EGFR: variants seen among roughly 807,000 people sequenced by gnomAD.
EGFR encodes epidermal growth factor receptor.
In EGFR, 58 loss-of-function variants were observed where a neutral mutation model predicts 143.0. The observed-to-expected ratio is 0.41, with a 90% CI of 0.33 to 0.50. The LOEUF (loss-of-function observed/expected upper bound fraction) is 0.50, where lower values mean the gene tolerates loss of function less well. EGFR is among the 20% of genes least tolerant of loss of function. The probability of loss-of-function intolerance (pLI) is 0.39; values close to 1 mark genes in which losing one functional copy is unlikely to be tolerated. For missense variants in EGFR, 1,307 were observed against 1,579.0 expected, an observed-to-expected ratio of 0.83 and a Z score of 2.92; for synonymous variants, 613 against 594.4, an observed-to-expected ratio of 1.03 and a Z score of -0.45.
rs1168574207 is a variant in EGFR, at chr7:55,208,568, C to T, written c.*2951C>T. 1 of 152,152 alleles carries T rather than the reference C, an allele frequency of 6.6e-6. No homozygotes were observed. Among genetic ancestry groups the T allele is most frequent in the Non-Finnish European group, 1.5e-5 (1 of 68,034 alleles). 9.4% of individuals were successfully genotyped at this position (152,152 alleles called of 1,614,324 possible). On this transcript the variant is annotated 3_prime_UTR_variant, in exon 28 of 28. Transcript: ENST00000275493. The stretch of plus-strand genomic sequence containing the variant: ...TTCTTGCATCATCTCTAAGGAGCTC[C>T]TCTAATTACACCATGCCCGTCACCC...
intron 1 of EGFR, among the ~76,000 whole-genome samples, chr7:55,024,389 C>G (rs963593471): frequency 6.6e-6 from 1 of 152,194 alleles, no homozygotes; most frequent in Admixed American, 6.5e-5. Flanking sequence ...GAATTTCTCT[C>G]TCTGATCCAA....
rs778199483 is a variant in EGFR at position 55,181,313 on chromosome 7, C to T, written c.2304C>T (p.Ser768=). 39 of 1,614,082 alleles carry T rather than the reference C, an allele frequency of 2.4e-5. 1 individual carries two copies. The Admixed American group carries it at 3.2e-4, about 13-fold the overall frequency. Residue 768 remains serine (S), a synonymous_variant, in exon 20 of 28, where the codon AGC becomes AGT. Transcript: ENST00000275493. ...TCCAGGAAGCCTACGTGATGGCCAG[C>T]GTGGACAACCCCCACGTGTGCCGCC... ...EILDEAYVMA[S]VDNPHVCRLL...
intron 1 of EGFR, among the ~76,000 whole-genome samples, chr7:55,072,595 A>G (rs1002051218): frequency 1.3e-5 from 2 of 152,182 alleles, no homozygotes; most frequent in East Asian, 3.8e-4. Context: ...CAAAGTTACC[A>G]ACAGTTTCAT....
At chr7:55,021,164 A>G (rs1482848262) in intron 1 of EGFR, among the ~76,000 whole-genome samples, 1 of 152,156 alleles carries the variant, frequency 6.6e-6, no homozygotes, top group Non-Finnish European at 1.5e-5. Context: ...GATTCCAATA[A>G]TAAAGGATTC....
At chr7:55,020,378 G>T (rs891619528) in intron 1 of EGFR, among the ~76,000 whole-genome samples, 1 of 152,150 alleles carries the variant, frequency 6.6e-6, no homozygotes, top group African/African-American at 2.4e-5. Context: ...GGCCACTGCA[G>T]GGGGGGATCG....
intron 5 of EGFR, among the ~76,000 whole-genome samples, chr7:55,152,009 C>T (rs1785183190): frequency 6.6e-6 from 1 of 152,216 alleles, no homozygotes; most frequent in South Asian, 2.1e-4. Flanking sequence ...TTCTTGTTTC[C>T]TCTCCCTCCC....
chr7:55,096,965 A>G (rs1394669705), intron 1 of EGFR, among the ~76,000 whole-genome samples: 1 of 151,786 alleles, frequency 6.6e-6, no homozygotes, highest in Non-Finnish European at 1.5e-5. Flanking sequence ...TTACCCCCCC[A>G]GCTCCTCACC....
intron 20 of EGFR, among the ~76,000 whole-genome samples, chr7:55,188,650 C>T (rs938559201): frequency 6.6e-6 from 1 of 152,198 alleles, no homozygotes; most frequent in African/African-American, 2.4e-5. Flanking sequence ...CCTGCGACCT[C>T]TGCTCGGACC....
At chr7:55,091,351 G>A (rs1033423761) in intron 1 of EGFR, among the ~76,000 whole-genome samples, 5 of 152,192 alleles carry the variant, frequency 3.3e-5, no homozygotes, top group African/African-American at 1.2e-4. Context: ...ATCTTGAAAG[G>A]TTCTGGTGAT....
intron 20 of EGFR, among the ~76,000 whole-genome samples, chr7:55,188,621 G>A (rs970385022): frequency 1.3e-5 from 2 of 152,186 alleles, no homozygotes; most frequent in African/African-American, 4.8e-5. Context: ...GCCCCGCTGA[G>A]GCTTTGTTGA....
Position 55,208,103 on chromosome 7 carries a change from T to C in EGFR, c.*2486T>C, listed in dbSNP as rs1482472638. On this transcript the variant is annotated 3_prime_UTR_variant, in exon 28 of 28. Coordinates refer to ENST00000275493, the MANE Select transcript of EGFR (RefSeq NM_005228.5). ...CTATTCTAGCTTTCTTCTTCATATT[T>C]TAATTTTCCACCATAAAGTTTAGTT... 1 of 152,232 alleles carries C rather than the reference T, an allele frequency of 6.6e-6. No individual in the cohort carries two copies. The highest frequency in any genetic ancestry group is 1.5e-5 in the Non-Finnish European group (1 of 68,036). 9.4% of individuals were successfully genotyped at this position (152,232 alleles called of 1,614,324 possible).
rs1786870739 is a variant in EGFR at position 55,181,428 on chromosome 7, G to A, written c.2419G>A (p.Asp807Asn). 2 of 1,614,246 alleles carry A rather than the reference G, an allele frequency of 1.2e-6. No homozygotes were observed. The highest frequency in any genetic ancestry group is 1.7e-6 in the Non-Finnish European group (2 of 1,180,042). ...CLLDYVREHK[D>N]NIGSQYLLNW... is the part of the protein sequence containing the mutation. ...CCTGGACTATGTCCGGGAACACAAA[G>A]ACAATATTGGCTCCCAGTACCTGCT... Residue 807 changes from aspartate (D) to asparagine (N), a missense_variant, in exon 20 of 28, where the codon GAC (aspartate) becomes AAC (asparagine). Asp to Asn is a conservative substitution (Grantham distance 23). This residue lies in a region of EGFR where 348 missense variants were observed against 451.5 expected (regional missense o/e 0.77). Coordinates refer to ENST00000275493, the MANE Select transcript of EGFR (RefSeq NM_005228.5).
chr7:55,157,087 T>G (rs1785460640), intron 10 of EGFR: 3 of 849,534 alleles, frequency 3.5e-6, no homozygotes, highest in Admixed American at 6.1e-5. Flanking sequence ...CCAGCTGCCT[T>G]GGTGGCCCAT....
intron 1 of EGFR, among the ~76,000 whole-genome samples, chr7:55,090,174 G>A (rs141726781): frequency 8.7e-4 from 132 of 152,146 alleles, no homozygotes; most frequent in Non-Finnish European, 1.6e-3. Flanking sequence ...TCACCATGTT[G>A]GTCAGGTTGG....
intron 1 of EGFR, among the ~76,000 whole-genome samples, chr7:55,032,917 C>G (rs572515990): frequency 3.3e-5 from 5 of 152,168 alleles, no homozygotes; most frequent in African/African-American, 4.8e-5. Context: ...ACTCACCACG[C>G]TGGAAGTCAA....
chr7:55,139,586 C>T (rs1794341961), intron 1 of EGFR, among the ~76,000 whole-genome samples: 1 of 152,084 alleles, frequency 6.6e-6, no homozygotes, highest in African/African-American at 2.4e-5. Flanking sequence ...AGTAATTAAC[C>T]CAGGATAGTA....
chr7:55,154,477 AG>A (rs1228874519), intron 7 of EGFR, among the ~76,000 whole-genome samples: 2 of 152,240 alleles, frequency 1.3e-5, no homozygotes, highest in Non-Finnish European at 2.9e-5. Flanking sequence ...GTGGGTATTC[AG>A]TTGTCTGCTG....
At chr7:55,137,914 T>G (rs188941635) in intron 1 of EGFR, among the ~76,000 whole-genome samples, 74 of 152,336 alleles carry the variant, frequency 4.9e-4, no homozygotes, top group Admixed American at 3.2e-3. Context: ...TGTGCATTTG[T>G]TAAAGCTCAT....
chr7:55,205,126 C>A, intron 27 of EGFR, 130 bp from the exon 28 acceptor site: 2 of 1,380,216 alleles, frequency 1.4e-6, no homozygotes, highest in Non-Finnish European at 2.0e-6. Context: ...AGCAAGAGGG[C>A]CCTCCCGAGG....
Sources: gnomAD v4.1 joint callset for allele counts (sites outside exome capture counted in the v4.1 genomes callset) on GRCh38, gnomAD v4.1.1 for gene constraint, gnomAD v4.1.1 regional missense constraint, MANE v1.5 for transcripts, NCBI Gene and HGNC (gene_info 2026-07-23, HGNC 2026-07-21) for gene names.